The following NEK1 variants were observed in gnomAD, a reference collection of about 807,000 sequenced individuals.
The protein encoded by NEK1 is NIMA related kinase 1, also known as serine/threonine-protein kinase Nek1.
In NEK1, 137 loss-of-function variants were observed where a neutral mutation model predicts 182.1. That is an observed-to-expected ratio of 0.75 (90% CI 0.65 to 0.87). NEK1 has a LOEUF of 0.87. Ranked by LOEUF, NEK1 falls within the 40% of genes least tolerant of loss-of-function variation. The probability of loss-of-function intolerance (pLI) is 0.00; values close to 1 mark genes in which losing one functional copy is unlikely to be tolerated. For synonymous variants in NEK1, 513 were observed against 492.2 expected, an observed-to-expected ratio of 1.04 and a Z score of -0.56; for missense variants, 1,391 against 1,494.4, an observed-to-expected ratio of 0.93 and a Z score of 1.14.
intron 19 of NEK1, among the ~76,000 whole-genome samples, chr4:169,522,140 TCTC>T (rs2149753172): frequency 6.6e-6 from 1 of 152,348 alleles, no homozygotes; most frequent in South Asian, 2.1e-4. Flanking sequence ...TCTGTCATCA[TCTC>T]CACTGTACTA....
At chr4:169,540,925 TCTTTC>T (rs1003824203) in intron 18 of NEK1, among the ~76,000 whole-genome samples, 3 of 152,072 alleles carry the variant, frequency 2.0e-5, no homozygotes, top group African/African-American at 7.2e-5. Flanking sequence ...TAAGTTATTT[TCTTTC>T]CTTTTCTTAT....
intron 2 of NEK1, 128 bp from the exon 3 acceptor site, chr4:169,602,806 A>C: frequency 1.9e-6 from 1 of 522,072 alleles, no homozygotes; most frequent in Non-Finnish European, 3.4e-6. Context: ...TATTTAATAT[A>C]TTCACTAAAA....
At chr4:169,577,701 C>G (rs1765929979) in intron 11 of NEK1, among the ~76,000 whole-genome samples, 1 of 151,898 alleles carries the variant, frequency 6.6e-6, no homozygotes, top group South Asian at 2.1e-4. Context: ...TTGCAGTGAG[C>G]CGAGATTGCG....
intron 12 of NEK1, among the ~76,000 whole-genome samples, chr4:169,562,475 T>C (rs1018858049): frequency 6.6e-6 from 1 of 152,106 alleles, no homozygotes; most frequent in Admixed American, 6.5e-5. Context: ...TCCAATATTA[T>C]CATAGACTAT....
At chr4:169,598,300 C>A (rs1055829237) in intron 5 of NEK1, among the ~76,000 whole-genome samples, 1 of 152,124 alleles carries the variant, frequency 6.6e-6, no homozygotes, top group African/African-American at 2.4e-5. Flanking sequence ...ACTCCTAGCA[C>A]AGTGCTCCCT....
At chr4:169,511,606 T>TTTG (rs1171326923) in intron 19 of NEK1, among the ~76,000 whole-genome samples, 2 of 152,142 alleles carry the variant, frequency 1.3e-5, no homozygotes, top group South Asian at 2.1e-4. Context: ...CTTGCATAGC[T>TTTG]ACATTACACC....
chr4:169,394,356 C>A lies in NEK1; in HGVS notation c.*154G>T. 1.9e-6 allele frequency: 1 copy of A among 524,762 alleles called. No homozygotes were observed. Among genetic ancestry groups the A allele is most frequent in the Non-Finnish European group, 3.4e-6 (1 of 291,794 alleles). 32.5% of individuals were successfully genotyped at this position (524,762 alleles called of 1,614,324 possible). Reference sequence around the variant, plus strand: ...TATTAGAATCTTCACTGAAAAATGGCATGTTTCTCCATCTTTTTCATGCAA... The same window carrying A: ...TATTAGAATCTTCACTGAAAAATGGAATGTTTCTCCATCTTTTTCATGCAA... On this transcript the variant is annotated 3_prime_UTR_variant, in exon 36 of 36. Transcript: ENST00000507142.
At chr4:169,506,964 A>T in intron 23 of NEK1, 73 bp downstream of exon 23, 1 of 925,976 alleles carries the variant, frequency 1.1e-6, no homozygotes, top group Non-Finnish European at 1.6e-6. Flanking sequence ...AAATTATAAT[A>T]CTGATGTACT....
In NEK1 at chr4:169,505,039, A is replaced by T. The variant is rs977845325; in HGVS notation, c.2007+1998T>A. Among the ~76,000 whole-genome samples the T allele has an allele frequency of 4.0e-5, 6 of 151,782 alleles. No homozygotes were observed. The East Asian group carries it at 9.7e-4, about 24-fold the overall frequency. On this transcript the variant is annotated intron_variant, in intron 23 of 35. Transcript: ENST00000507142. Reference sequence around the variant, plus strand: ...TACAAAAATTAAAAGTAAAAAAAAAATTTTTTTTAAGGCACAACTTACAGA... The same window carrying T: ...TACAAAAATTAAAAGTAAAAAAAAATTTTTTTTTAAGGCACAACTTACAGA...
chr4:169,551,102 GT>G (rs1330409965), intron 18 of NEK1, among the ~76,000 whole-genome samples: 2 of 152,162 alleles, frequency 1.3e-5, no homozygotes, highest in East Asian at 3.8e-4. Flanking sequence ...TAGGAATCTA[GT>G]TTGTCATTAC....
intron 29 of NEK1, among the ~76,000 whole-genome samples, chr4:169,430,447 A>T (rs898607918): frequency 6.6e-6 from 1 of 152,202 alleles, no homozygotes; most frequent in Non-Finnish European, 1.5e-5. Context: ...AGCCTCTCAA[A>T]GTGCTGGGAT....
At chr4:169,542,689 C>A (rs1268739644) in intron 18 of NEK1, among the ~76,000 whole-genome samples, 2 of 133,498 alleles carry the variant, frequency 1.5e-5, no homozygotes, top group Non-Finnish European at 3.0e-5. Flanking sequence ...TTAATTATCA[C>A]CATTTGGTGT....
chr4:169,524,843 C>T (rs952214323), intron 19 of NEK1, among the ~76,000 whole-genome samples: 7 of 152,298 alleles, frequency 4.6e-5, no homozygotes, highest in East Asian at 3.9e-4. Context: ...TGTCCATAAA[C>T]GGTGTACTGG....
chr4:169,561,331 A>T, intron 16 of NEK1, 149 bp downstream of exon 16: 2 of 680,928 alleles, frequency 2.9e-6, no homozygotes, highest in South Asian at 1.9e-5. Context: ...AGGAAAGCTA[A>T]GTATTCATAA....
At chr4:169,497,675 T>C (rs1041168807) in intron 23 of NEK1, among the ~76,000 whole-genome samples, 1 of 152,230 alleles carries the variant, frequency 6.6e-6, no homozygotes, top group Non-Finnish European at 1.5e-5. Flanking sequence ...CAGTAGTCAT[T>C]CAGGAACAGG....
At chr4:169,572,686 T>A (rs1222382500) in intron 12 of NEK1, among the ~76,000 whole-genome samples, 1 of 152,050 alleles carries the variant, frequency 6.6e-6, no homozygotes, top group Admixed American at 6.5e-5. Flanking sequence ...GAAGCAGCAG[T>A]CAATGAGGTA....
chr4:169,455,291 C>G (rs779997142), intron 27 of NEK1, among the ~76,000 whole-genome samples: 5 of 151,318 alleles, frequency 3.3e-5, no homozygotes, highest in Non-Finnish European at 7.4e-5. Context: ...CAAACCTGCA[C>G]GTTGTGCACA....
chr4:169,555,665 T>C (rs773402145), intron 18 of NEK1, 55 bp downstream of exon 18: 15 of 1,610,024 alleles, frequency 9.3e-6, no homozygotes, highest in South Asian at 4.4e-5. Context: ...AAGCTATGTA[T>C]GACAAACGAC....
intron 2 of NEK1, among the ~76,000 whole-genome samples, chr4:169,609,597 G>A (rs553082069): frequency 2.0e-5 from 3 of 152,046 alleles, no homozygotes; most frequent in East Asian, 3.9e-4. Flanking sequence ...TCATATATGT[G>A]TATAAATATA....
Sources: allele counts gnomAD v4.1 joint callset (sites outside exome capture counted in the v4.1 genomes callset), GRCh38; gene constraint gnomAD v4.1.1; transcripts MANE v1.5; gene names NCBI Gene and HGNC (gene_info 2026-07-23, HGNC 2026-07-21).